ADCY3: variants seen among roughly 807,000 people sequenced by gnomAD.
ADCY3 encodes adenylate cyclase 3.
A neutral mutation model predicts 119.4 loss-of-function variants in ADCY3; 70 were observed. The observed-to-expected ratio is 0.59, with a 90% CI of 0.48 to 0.72. ADCY3 has a LOEUF of 0.72. Among genes scored for constraint, ADCY3 ranks in the 30% least tolerant of loss-of-function variants. The probability of loss-of-function intolerance (pLI) is 0.00; values close to 1 mark genes in which losing one functional copy is unlikely to be tolerated. For missense variants in ADCY3, 1,238 were observed against 1,541.6 expected, an observed-to-expected ratio of 0.80 and a Z score of 3.30; for synonymous variants, 672 against 621.4, an observed-to-expected ratio of 1.08 and a Z score of -1.21.
At position 24,834,983 on chromosome 2, in the gene ADCY3, G is replaced by GTGGGGAAGAGC. The variant is rs1373756446; in HGVS notation, c.1663-58_1663-48dup. On this transcript the variant is annotated intron_variant, in intron 9 of 21. Coordinates refer to ENST00000679454, the MANE Select transcript of ADCY3 (RefSeq NM_004036.5). This position sits in a 1 kb window ranked among gnomAD's most constrained non-coding sequence, Gnocchi z 4.2. ...TGAGTGGGGCAGATGGGACAGAGTG[G>GTGGGGAAGAGC]TGGGGAAGAGCTGGGAAAGACAGAG... 1.4e-5 allele frequency: 23 copies of GTGGGGAAGAGC among 1,591,484 alleles called. No individual in the cohort carries two copies. The highest frequency in any genetic ancestry group is 8.0e-5 in the African/African-American group (6 of 74,666).
Position 24,825,722 on chromosome 2 carries a change from C to T in ADCY3, c.2577+323G>A, listed in dbSNP as rs751381576. ...ATGTCCCTCAGCGCCACGGGGAGTG[C>T]GGGGGCCATGAGCCCCTGGCCTAGG... is the stretch of plus-strand genomic sequence containing the variant. On this transcript the variant is annotated intron_variant, in intron 16 of 21. Coordinates refer to ENST00000679454, the MANE Select transcript of ADCY3 (RefSeq NM_004036.5). 1.2e-4 allele frequency: 39 copies of T among 329,934 alleles called. No homozygotes were observed. The East Asian group carries it at 2.1e-3, about 18-fold the overall frequency. 20.4% of individuals were successfully genotyped at this position (329,934 alleles called of 1,614,324 possible). A position where few individuals can be genotyped will look rare whatever the true frequency, so the allele number is the denominator to read the frequency against.
At chr2:24,822,437 C>T (rs1667917771) in intron 19 of ADCY3, 74 bp downstream of exon 19, 6 of 1,580,516 alleles carry the variant, frequency 3.8e-6, no homozygotes, top group South Asian at 1.1e-5. Context: ...TTATTTCCCC[C>T]ATGCTAGGTC....
chr2:24,907,565 C>T (rs11683748), intron 2 of ADCY3, among the ~76,000 whole-genome samples: 48,858 of 151,862 alleles, frequency 0.32, 7,982 homozygotes, highest in East Asian at 0.38. Context: ...GAAGAAAGGA[C>T]TGAAAACCTG....
chr2:24,889,750 C>T (rs1427082344), intron 2 of ADCY3, among the ~76,000 whole-genome samples: 1 of 152,128 alleles, frequency 6.6e-6, no homozygotes, highest in African/African-American at 2.4e-5. Flanking sequence ...GCAGGAGAAT[C>T]GCTTGAACCC....
intron 2 of ADCY3, among the ~76,000 whole-genome samples, chr2:24,908,384 T>G (rs1261844154): frequency 6.6e-6 from 1 of 152,144 alleles, no homozygotes. Flanking sequence ...AGTACAATAT[T>G]CTGCAATATT....
chr2:24,905,977 T>C (rs1679401007), intron 2 of ADCY3, among the ~76,000 whole-genome samples: 1 of 151,886 alleles, frequency 6.6e-6, no homozygotes, highest in Non-Finnish European at 1.5e-5. Context: ...ACTCACAAGG[T>C]CCCTTCACTA....
chr2:24,860,098 G>A (rs73923447), intron 3 of ADCY3, among the ~76,000 whole-genome samples: 6,919 of 152,232 alleles, frequency 0.045, 516 homozygotes, highest in African/African-American at 0.15. Context: ...CACATCCTCC[G>A]TCAACCATGT....
At chr2:24,914,452 T>C (rs1311748586) in intron 2 of ADCY3, among the ~76,000 whole-genome samples, 7 of 152,014 alleles carry the variant, frequency 4.6e-5, no homozygotes, top group Non-Finnish European at 8.8e-5. Context: ...GCAGGCGGAT[T>C]ATCTGAGGTC....
Position 24,837,134 on chromosome 2 carries a change from T to C in ADCY3, c.1534-89A>G, listed in dbSNP as rs1260461423. 27 of 1,454,594 alleles carry C rather than the reference T, an allele frequency of 1.9e-5. No individual in the cohort carries two copies. In the Admixed American group the frequency reaches 6.0e-4, roughly 32 times the overall value. 90.1% of individuals were successfully genotyped at this position (1,454,594 alleles called of 1,614,324 possible). A position where few individuals can be genotyped will look rare whatever the true frequency, so the allele number is the denominator to read the frequency against. ...GAAGTGACAAGGGCGTGGGAGGCGGTGGGATTAGAGAGCAATCTGAGGCCA... is the reference window on the plus strand; with the variant it reads ...GAAGTGACAAGGGCGTGGGAGGCGGCGGGATTAGAGAGCAATCTGAGGCCA... On this transcript the variant is annotated intron_variant, in intron 8 of 21. Coordinates refer to ENST00000679454, the MANE Select transcript of ADCY3 (RefSeq NM_004036.5).
Position 24,918,866 on chromosome 2 carries a change from C to T in ADCY3, c.122G>A (p.Arg41Gln), listed in dbSNP as rs894546546. The part of the protein sequence containing the change: ...GVGRTHEISV[R>Q]NSGSCLCLPR... ...CAGGCACAGGCAGGAGCCCGAGTTC[C>T]GGACCGAGATTTCATGGGTCCGGCC... The change falls in exon 2 of 22, where the codon CGG (arginine) becomes CAG (glutamine). Residue 41 changes from arginine to glutamine, a missense_variant. Arg to Gln is a conservative substitution (Grantham distance 43). This residue lies in a region of ADCY3 where 227 missense variants were observed against 249.3 expected (regional missense o/e 0.91). Transcript: ENST00000679454. The surrounding 1 kb of genome is among the most constrained non-coding windows in gnomAD (Gnocchi z 5.4). 10 of 1,613,078 alleles carry T rather than the reference C, an allele frequency of 6.2e-6. No individual in the cohort carries two copies. Among genetic ancestry groups the T allele is most frequent in the Non-Finnish European group, 7.6e-6 (9 of 1,180,016 alleles).
At chr2:24,846,090 C>T (rs1229145123) in intron 3 of ADCY3, among the ~76,000 whole-genome samples, 3 of 152,182 alleles carry the variant, frequency 2.0e-5, no homozygotes, top group Non-Finnish European at 4.4e-5. Context: ...GCTGCAAGGG[C>T]GGGGCCCTCA....
chr2:24,861,027 G>C (rs892132776), intron 3 of ADCY3, among the ~76,000 whole-genome samples: 14 of 152,240 alleles, frequency 9.2e-5, no homozygotes, highest in African/African-American at 3.4e-4. Flanking sequence ...AAGGCAGGCA[G>C]ATCACTTGAG....
At chr2:24,908,153 C>T (rs1331738984) in intron 2 of ADCY3, among the ~76,000 whole-genome samples, 3 of 152,066 alleles carry the variant, frequency 2.0e-5, no homozygotes, top group Non-Finnish European at 4.4e-5. Flanking sequence ...GAAACCCCAT[C>T]TCTACTAAAA....
At chr2:24,825,065 T>A (rs2148397584) in intron 16 of ADCY3, among the ~76,000 whole-genome samples, 1 of 152,208 alleles carries the variant, frequency 6.6e-6, no homozygotes, top group South Asian at 2.1e-4. Context: ...CCAGGAGGCC[T>A]TCCGTGTGTA....
chr2:24,882,730 T>C (rs938253475), intron 2 of ADCY3, among the ~76,000 whole-genome samples: 44 of 152,124 alleles, frequency 2.9e-4, no homozygotes, highest in Non-Finnish European at 1.5e-5. Context: ...GATTATAAAA[T>C]TACCTCAAGG....
rs531679603 is a variant in ADCY3 at position 24,831,719 on chromosome 2, C to T, written c.1998G>A (p.Val666=). ...WLMTNYVTFM[V]GEILLLILTI... is the part of the protein sequence containing the mutation. ...TCAGGATGAGGAGCAGAATCTCCCCCACCATGAAGGTCACATAGTTTGTCA... is the reference window on the plus strand; with the variant it reads ...TCAGGATGAGGAGCAGAATCTCCCCTACCATGAAGGTCACATAGTTTGTCA... The change falls in exon 12 of 22, where the codon GTG becomes GTA. Residue 666 remains valine (V), a synonymous_variant. Coordinates refer to ENST00000679454, the MANE Select transcript of ADCY3 (RefSeq NM_004036.5). The T allele has an allele frequency of 4.3e-6, 7 of 1,613,912 alleles. No homozygotes were observed. The highest frequency in any genetic ancestry group is 2.2e-5 in the South Asian group (2 of 91,068).
At chr2:24,853,005 GGT>G (rs58904311) in intron 3 of ADCY3, among the ~76,000 whole-genome samples, 3,516 of 94,896 alleles carry the variant, frequency 0.037, 54 homozygotes, top group Admixed American at 0.046. Context: ...ACAGCTGGAG[GGT>G]GTGTGTGTGT....
chr2:24,870,763 G>A (rs1346785154), intron 3 of ADCY3, among the ~76,000 whole-genome samples: 1 of 152,210 alleles, frequency 6.6e-6, no homozygotes, highest in African/African-American at 2.4e-5. Context: ...TTAGAAAGCA[G>A]GCCTCATGGC....
At chr2:24,838,136 G>T (rs915571864) in intron 8 of ADCY3, among the ~76,000 whole-genome samples, 1 of 148,806 alleles carries the variant, frequency 6.7e-6, no homozygotes, top group Non-Finnish European at 1.5e-5. Flanking sequence ...CTCCATGCAG[G>T]AGACCCTGAG....
Sources: gnomAD v4.1 joint callset for allele counts (sites outside exome capture counted in the v4.1 genomes callset) on GRCh38, gnomAD v4.1.1 for gene constraint, gnomAD v4.1.1 regional missense constraint, Gnocchi (gnomAD v3.1) non-coding constraint, MANE v1.5 for transcripts, NCBI Gene and HGNC (gene_info 2026-07-23, HGNC 2026-07-21) for gene names.